POU2F1: variants seen among roughly 807,000 people sequenced by gnomAD.
The protein encoded by POU2F1 is POU domain, class 2, transcription factor 1.
In POU2F1, 16 loss-of-function variants were observed where a neutral mutation model predicts 84.9. The ratio of observed to expected loss-of-function variants is 0.19; its 90% confidence interval spans 0.13 to 0.29. The LOEUF (loss-of-function observed/expected upper bound fraction) is 0.29. Among genes scored for constraint, POU2F1 ranks in the 10% least tolerant of loss-of-function variants. The pLI, the probability that POU2F1 is intolerant of heterozygous loss-of-function variation, is 1.00. For synonymous variants in POU2F1, 368 were observed against 368.3 expected, an observed-to-expected ratio of 1.00 and a Z score of 0.01; for missense variants, 738 against 942.6, an observed-to-expected ratio of 0.78 and a Z score of 2.84.
Position 167,367,788 on chromosome 1 carries a change from G to A in POU2F1, c.228+2221G>A, listed in dbSNP as rs1051868253. 4.0e-5 allele frequency among the ~76,000 whole-genome samples: 6 copies of A among 151,728 alleles called. No individual in the cohort carries two copies. The South Asian group carries it at 1.0e-3, about 26-fold the overall frequency. On this transcript the variant is annotated intron_variant, in intron 3 of 15. Coordinates refer to ENST00000367866, the MANE Select transcript of POU2F1 (RefSeq NM_002697.4). Reference sequence around the variant, plus strand: ...TATGTGTATATGTATGTATGTACACGTACAAATTTTTTTTTTTTGAAATGA... The same window carrying A: ...TATGTGTATATGTATGTATGTACACATACAAATTTTTTTTTTTTGAAATGA...
chr1:167,376,379 C>G (rs1660333816), intron 7 of POU2F1, among the ~76,000 whole-genome samples: 1 of 152,154 alleles, frequency 6.6e-6, no homozygotes, highest in South Asian at 2.1e-4. Context: ...TGCTTAATCA[C>G]TAAGGAAGAA....
chr1:167,223,218 A>C (rs1157202423), intron 1 of POU2F1, among the ~76,000 whole-genome samples: 1 of 152,224 alleles, frequency 6.6e-6, no homozygotes, highest in Non-Finnish European at 1.5e-5. Context: ...GAATAAACAT[A>C]GGCATTGCGT....
At chr1:167,249,167 A>G (rs1650549953) in intron 1 of POU2F1, among the ~76,000 whole-genome samples, 1 of 152,152 alleles carries the variant, frequency 6.6e-6, no homozygotes, top group African/African-American at 2.4e-5. Context: ...AATGTTTGGC[A>G]TCCTTTATCT....
At chr1:167,411,112 T>G (rs1255681745) in intron 13 of POU2F1, among the ~76,000 whole-genome samples, 2 of 151,834 alleles carry the variant, frequency 1.3e-5, no homozygotes, top group African/African-American at 4.8e-5. Context: ...CAATCTTGGC[T>G]CACTGCAACC....
chr1:167,278,798 T>TTTCTATTTTAATAGAATTTAATAAAA (rs896363164), intron 1 of POU2F1, among the ~76,000 whole-genome samples: 15 of 44,122 alleles, frequency 3.4e-4, no homozygotes, highest in Non-Finnish European at 2.9e-4. Flanking sequence ...TTCATTTGTT[T>TTTCTATTTTAATAGAATTTAATAAAA]TTCTATTTTA....
intron 1 of POU2F1, among the ~76,000 whole-genome samples, chr1:167,238,355 A>T (rs1302739050): frequency 1.3e-5 from 2 of 152,246 alleles, no homozygotes; most frequent in Non-Finnish European, 2.9e-5. Context: ...TGATGCAAAC[A>T]AGGAAAACTT....
At chr1:167,304,759 T>A (rs1654941260) in intron 1 of POU2F1, among the ~76,000 whole-genome samples, 2 of 152,228 alleles carry the variant, frequency 1.3e-5, no homozygotes, top group Non-Finnish European at 2.9e-5. Flanking sequence ...GTAAACTAAT[T>A]TGGGCAAGTC....
intron 1 of POU2F1, among the ~76,000 whole-genome samples, chr1:167,296,122 G>A (rs561585241): frequency 1.8e-4 from 28 of 151,998 alleles, no homozygotes; most frequent in Non-Finnish European, 3.8e-4. Flanking sequence ...AAAGTAGTAA[G>A]GGCAGCATTT....
intron 1 of POU2F1, among the ~76,000 whole-genome samples, chr1:167,232,205 T>A (rs184798630): frequency 6.6e-6 from 1 of 152,216 alleles, no homozygotes. Context: ...ACACAGTTCA[T>A]ACCCATTTTG....
rs779042988 is a variant in POU2F1, at chr1:167,396,235, G to A, written c.988-51G>A. 4 of 1,601,752 alleles carry A rather than the reference G, an allele frequency of 2.5e-6. No individual in the cohort carries two copies. The African/African-American group carries it at 5.4e-5, about 21-fold the overall frequency. ...CAGAGTGAAGGCTTTAAGCACTGGT[G>A]AGATAACTCTGTCTTTCCTCTCCTC... On this transcript the variant is annotated intron_variant, in intron 9 of 15. Coordinates refer to ENST00000367866, the MANE Select transcript of POU2F1 (RefSeq NM_002697.4).
intron 1 of POU2F1, chr1:167,241,563 C>CTTGTATT (rs1649906655): frequency 6.6e-6 from 1 of 152,154 alleles, no homozygotes; most frequent in Non-Finnish European, 1.5e-5. Flanking sequence ...TACACCTTCA[C>CTTGTATT]TTGTATTAGC....
chr1:167,258,974 G>A (rs1651352176), intron 1 of POU2F1, among the ~76,000 whole-genome samples: 1 of 152,288 alleles, frequency 6.6e-6, no homozygotes, highest in Middle Eastern at 3.4e-3. Flanking sequence ...TTTGCGTACA[G>A]GCTGTAGTTT....
rs549029250 is a variant in POU2F1, at chr1:167,221,919, G to A, written c.61+961G>A. Among the ~76,000 whole-genome samples, 99 of 152,108 alleles carry A rather than the reference G, an allele frequency of 6.5e-4. 1 individual carries two copies. The East Asian group carries it at 0.019, about 29-fold the overall frequency. On this transcript the variant is annotated intron_variant, in intron 1 of 15. Coordinates refer to ENST00000367866, the MANE Select transcript of POU2F1 (RefSeq NM_002697.4). ...GCCCGCGCGCCCCCGGCCGGCGGTC[G>A]GCAGCCCCTTTGCGTTGTCGGCCGG...
At chr1:167,358,197 C>T (rs1413117577) in intron 2 of POU2F1, among the ~76,000 whole-genome samples, 2 of 141,648 alleles carry the variant, frequency 1.4e-5, no homozygotes, top group East Asian at 4.1e-4. Flanking sequence ...GGCGCGATCT[C>T]GGCTCACTGC....
intron 1 of POU2F1, among the ~76,000 whole-genome samples, chr1:167,261,572 A>G (rs1214234229): frequency 1.3e-5 from 2 of 152,230 alleles, no homozygotes; most frequent in Admixed American, 1.3e-4. Context: ...AGCTTCTGAT[A>G]AGCATTTTGC....
chr1:167,415,684 C>T lies in POU2F1; in HGVS notation c.2175C>T (p.Asn725=), dbSNP rs1279979894. ...CTGCCGCCGCAGCATCTGCAGGGAA[C>T]TCTGCACCTGTAGCCAGCCTTCACG... ...LVSAAAASAG[N]SAPVASLHAT... The change falls in exon 16 of 16, where the codon AAC becomes AAT. Residue 725 remains asparagine (N), a synonymous_variant. Coordinates refer to ENST00000367866, the MANE Select transcript of POU2F1 (RefSeq NM_002697.4). The T allele has an allele frequency of 1.2e-6, 2 of 1,614,186 alleles. No individual in the cohort carries two copies. The highest frequency in any genetic ancestry group is 8.5e-7 in the Non-Finnish European group (1 of 1,180,034).
intron 6 of POU2F1, 49 bp downstream of exon 6, chr1:167,374,345 G>A (rs1281966121): frequency 6.7e-7 from 1 of 1,499,190 alleles, no homozygotes; most frequent in Non-Finnish European, 8.9e-7. Context: ...GAATAAAGTG[G>A]CAGGTTTTAT....
At chr1:167,261,744 A>G (rs190610122) in intron 1 of POU2F1, among the ~76,000 whole-genome samples, 24 of 152,286 alleles carry the variant, frequency 1.6e-4, no homozygotes, top group African/African-American at 5.3e-4. Context: ...CAGTGGCACA[A>G]TCTTGGCTTG....
At chr1:167,261,203 A>G (rs189330694) in intron 1 of POU2F1, among the ~76,000 whole-genome samples, 6 of 152,342 alleles carry the variant, frequency 3.9e-5, no homozygotes, top group East Asian at 3.9e-4. Context: ...AGCAAGCGCT[A>G]TAAGGACTAG....
Sources: allele counts gnomAD v4.1 joint callset (sites outside exome capture counted in the v4.1 genomes callset), GRCh38; gene constraint gnomAD v4.1.1; transcripts MANE v1.5; gene names NCBI Gene and HGNC (gene_info 2026-07-23, HGNC 2026-07-21).